AP1G1: variants seen among roughly 807,000 people sequenced by gnomAD.
AP1G1 encodes the protein adaptor related protein complex 1 subunit gamma 1, also known as AP-1 complex subunit gamma-1.
In AP1G1, 7 loss-of-function variants were observed where a neutral mutation model predicts 108.3. The ratio of observed to expected loss-of-function variants is 0.06; its 90% CI spans 0.04 to 0.12. The LOEUF (loss-of-function observed/expected upper bound fraction) is 0.12, where lower values mean the gene tolerates loss of function less well. AP1G1 is among the 10% of genes least tolerant of loss of function. The probability of loss-of-function intolerance (pLI) is 1.00; values close to 1 mark genes in which losing one functional copy is unlikely to be tolerated. For missense variants in AP1G1, 756 were observed against 1,010.7 expected, an observed-to-expected ratio of 0.75 and a Z score of 3.42; for synonymous variants, 379 against 353.5, an observed-to-expected ratio of 1.07 and a Z score of -0.81.
chr16:71,763,528 CAATT>C (rs2031190919), intron 9 of AP1G1, among the ~76,000 whole-genome samples: 1 of 151,906 alleles, frequency 6.6e-6, no homozygotes, highest in South Asian at 2.1e-4. Context: ...TATTTTATCA[CAATT>C]AAGAAAAAAA....
chr16:71,746,822 T>C (rs556735813), intron 16 of AP1G1, 130 bp from the exon 17 acceptor site: 62 of 639,256 alleles, frequency 9.7e-5, no homozygotes, highest in African/African-American at 8.4e-4. Context: ...ATTTATATAG[T>C]TTTTCAAAAA....
At chr16:71,803,019 A>G (rs1200760802) in intron 1 of AP1G1, among the ~76,000 whole-genome samples, 1 of 152,126 alleles carries the variant, frequency 6.6e-6, no homozygotes, top group Non-Finnish European at 1.5e-5. Context: ...TTTCGAGACC[A>G]GCCTGGCCAA....
intron 2 of AP1G1, among the ~76,000 whole-genome samples, chr16:71,786,227 C>T (rs1278569095): frequency 6.6e-6 from 1 of 152,126 alleles, no homozygotes; most frequent in Non-Finnish European, 1.5e-5. Context: ...AAAGCACATT[C>T]TATTTAAACA....
At chr16:71,775,651 T>C (rs965643428) in intron 2 of AP1G1, among the ~76,000 whole-genome samples, 1 of 152,058 alleles carries the variant, frequency 6.6e-6, no homozygotes, top group Non-Finnish European at 1.5e-5. Context: ...CCATGAGGAA[T>C]GTATAATTAA....
intron 19 of AP1G1, among the ~76,000 whole-genome samples, chr16:71,741,235 T>A (rs1326661843): frequency 2.0e-5 from 3 of 152,176 alleles, no homozygotes; most frequent in African/African-American, 7.2e-5. Flanking sequence ...CATCTTTTTT[T>A]AAGAAATTGA....
chr16:71,759,747 G>A (rs537546313), intron 10 of AP1G1, among the ~76,000 whole-genome samples: 80 of 150,998 alleles, frequency 5.3e-4, no homozygotes, highest in Non-Finnish European at 1.0e-3. Context: ...GCGACAGAGC[G>A]AGACTCTGTC....
intron 17 of AP1G1, among the ~76,000 whole-genome samples, chr16:71,745,825 C>T (rs527596778): frequency 7.3e-6 from 1 of 136,588 alleles, no homozygotes; most frequent in East Asian, 2.0e-4. Flanking sequence ...AATAAACAGA[C>T]TGCCCAGCTA....
intron 21 of AP1G1, among the ~76,000 whole-genome samples, chr16:71,737,845 C>T (rs149573971): frequency 3.9e-5 from 6 of 152,366 alleles, no homozygotes; most frequent in Admixed American, 2.0e-4. Context: ...GGCCAAGAAT[C>T]GCCCAACATC....
At chr16:71,783,347 A>T (rs2032092208) in intron 2 of AP1G1, among the ~76,000 whole-genome samples, 1 of 152,212 alleles carries the variant, frequency 6.6e-6, no homozygotes, top group Admixed American at 6.5e-5. Flanking sequence ...AGAGACTCTT[A>T]GAACCAAGTT....
intron 19 of AP1G1, among the ~76,000 whole-genome samples, chr16:71,744,571 G>GTTTTTTTTTT (rs71856788): frequency 8.7e-6 from 1 of 114,410 alleles, no homozygotes; most frequent in South Asian, 3.0e-4. Context: ...GAGAAAGTGT[G>GTTTTTTTTTT]TTTTTTTTTT....
chr16:71,738,809 A>ATTAT lies in AP1G1; in HGVS notation c.2268+129_2268+132dup. On this transcript the variant is annotated intron_variant, in intron 21 of 22. Coordinates refer to ENST00000299980, the MANE Select transcript of AP1G1 (RefSeq NM_001128.6). ...TATGCTTCCATGAACCATAAGCTAC[A>ATTAT]TTATTGTTAGTTTGAATTAAGTCTA... 6.2e-6 allele frequency: 5 copies of ATTAT among 800,852 alleles called. No homozygotes were observed. In the South Asian group the frequency reaches 9.9e-5, roughly 16 times the overall value. The allele number at this position is 800,852 out of a possible 1,614,324, so 49.6% of individuals were successfully genotyped here.
chr16:71,748,340 G>A lies in AP1G1; in HGVS notation c.1536C>T (p.Val512=), dbSNP rs2030293537. The A allele has an allele frequency of 6.2e-7, 1 of 1,613,470 alleles. No homozygotes were observed. The highest frequency in any genetic ancestry group is 8.5e-7 in the Non-Finnish European group (1 of 1,179,712). ...CAGAGGTGGACATATTAGAGATTAGGACACTTTCTAAAATATCCAACACTT... is the reference window on the plus strand; with the variant it reads ...CAGAGGTGGACATATTAGAGATTAGAACACTTTCTAAAATATCCAACACTT... The part of the protein sequence containing the change: ...EDEVLDILES[V]LISNMSTSVT... Residue 512 remains valine, a synonymous_variant, in exon 16 of 23, where the codon GTC becomes GTT. Transcript: ENST00000299980.
chr16:71,761,486 TA>T, intron 10 of AP1G1, 25 bp downstream of exon 10: 1 of 1,472,308 alleles, frequency 6.8e-7, no homozygotes, highest in Non-Finnish European at 9.5e-7. Flanking sequence ...ATATCCAAGA[TA>T]AAAGACATAT....
At chr16:71,798,682 G>A (rs1370509940) in intron 1 of AP1G1, among the ~76,000 whole-genome samples, 1 of 152,080 alleles carries the variant, frequency 6.6e-6, no homozygotes, top group Non-Finnish European at 1.5e-5. Context: ...GAGGTCAGGA[G>A]TTTGAGACCA....
intron 1 of AP1G1, chr16:71,806,784 C>A: frequency 9.6e-7 from 1 of 1,042,644 alleles, no homozygotes; most frequent in Admixed American, 3.3e-5. Flanking sequence ...ACTCACGTAT[C>A]TAATAGTAAC....
At chr16:71,793,250 A>T (rs1172939025) in intron 1 of AP1G1, among the ~76,000 whole-genome samples, 1 of 152,234 alleles carries the variant, frequency 6.6e-6, no homozygotes, top group Non-Finnish European at 1.5e-5. Context: ...CACAGTAATG[A>T]AACTATACAG....
chr16:71,786,919 C>A (rs1006350929), intron 2 of AP1G1, among the ~76,000 whole-genome samples: 3 of 151,904 alleles, frequency 2.0e-5, no homozygotes, highest in Admixed American at 6.6e-5. Context: ...AAAAATTAGC[C>A]GGGTGTGGTT....
intron 13 of AP1G1, chr16:71,751,476 A>G (rs979319130): frequency 6.6e-6 from 1 of 151,878 alleles, no homozygotes; most frequent in Non-Finnish European, 1.5e-5. Flanking sequence ...AAAAAGAAAA[A>G]AAAAAAAAAA....
intron 16 of AP1G1, 78 bp downstream of exon 16, chr16:71,748,170 CATG>C: frequency 6.8e-7 from 1 of 1,476,088 alleles, no homozygotes; most frequent in Non-Finnish European, 9.2e-7. Context: ...TGAAATTTTC[CATG>C]ATAACAAGTT....
Sources: allele counts gnomAD v4.1 joint callset (sites outside exome capture counted in the v4.1 genomes callset), GRCh38; gene constraint gnomAD v4.1.1; transcripts MANE v1.5; gene names NCBI Gene and HGNC (gene_info 2026-07-23, HGNC 2026-07-21).